LACTBL1: variants seen among roughly 807,000 people sequenced by gnomAD.
LACTBL1 encodes the protein beta-lactamase-like protein 1.
A neutral mutation model predicts 39.6 loss-of-function variants in LACTBL1; 29 were observed. That is an observed-to-expected ratio of 0.73 (90% CI 0.55 to 1.00). The LOEUF (loss-of-function observed/expected upper bound fraction) is 1.00. Among genes scored for constraint, LACTBL1 ranks in the 50% least tolerant of loss-of-function variants. LACTBL1 has a pLI of 0.00. For missense variants in LACTBL1, 711 were observed against 748.5 expected (o/e 0.95, Z 0.59); for synonymous variants, 361 against 360.7 (o/e 1.00, Z -0.01).
In LACTBL1 at chr1:22,955,005, G is replaced by A. The variant is rs76462258; in HGVS notation, c.659+316C>T. On this transcript the variant is annotated intron_variant, in intron 5 of 5. Coordinates refer to ENST00000426928, the Ensembl canonical transcript of LACTBL1. Reference sequence around the variant, plus strand: ...GTATTCACCTTGCTTATTTGCTCACGGTGTCTCCCTCACAAGAGTGCAAAC... The same window carrying A: ...GTATTCACCTTGCTTATTTGCTCACAGTGTCTCCCTCACAAGAGTGCAAAC... 1.6e-3 allele frequency among the ~76,000 whole-genome samples: 243 copies of A among 152,330 alleles called. 3 individuals are homozygous for A. The highest frequency in any genetic ancestry group is 5.3e-3 in the African/African-American group (219 of 41,574).
upstream of LACTBL1, among the ~76,000 whole-genome samples, chr1:22,967,252 C>A (rs142881113): frequency 2.2e-3 from 328 of 152,146 alleles, 1 homozygote; most frequent in Non-Finnish European, 3.6e-3. Flanking sequence ...GCCTGTAATC[C>A]CAGCTACTCA....
intron 5 of LACTBL1, among the ~76,000 whole-genome samples, chr1:22,954,584 T>C (rs1053183271): frequency 6.6e-6 from 1 of 152,182 alleles, no homozygotes; most frequent in African/African-American, 2.4e-5. Context: ...CCAACTTCCT[T>C]ATTTTTGCAG....
exon 6 of LACTBL1, chr1:22,953,060 C>G: frequency 8.1e-7 from 1 of 1,232,284 alleles, no homozygotes; most frequent in East Asian, 3.2e-5. Context: ...GTCTTGAACA[C>G]CGGCTTGCCC....
At position 22,965,319 on chromosome 1, in the gene LACTBL1, C is replaced by T. The variant is rs1640865854; in HGVS notation, c.20G>A (p.Trp7Ter). The change falls in exon 1 of 6, where the codon TGG becomes TAG. Residue 7 changes from tryptophan to a stop codon, truncating the protein, a stop_gained. Coordinates refer to ENST00000426928, the Ensembl canonical transcript of LACTBL1. LOFTEE classifies it high-confidence loss of function. The stretch of plus-strand genomic sequence containing the variant: ...CTTCAGCTTGGGGAGGTGATACTGC[C>T]ACAGGAAGCAGCCAGTCATGACCAC... 15 of 1,319,136 alleles carry T rather than the reference C, an allele frequency of 1.1e-5. No homozygotes were observed. Among genetic ancestry groups the T allele is most frequent in the Non-Finnish European group, 1.4e-5 (14 of 1,027,688 alleles). The allele number at this position is 1,319,136 out of a possible 1,614,324, so 81.7% of individuals were successfully genotyped here.
intron 4 of LACTBL1, among the ~76,000 whole-genome samples, chr1:22,958,318 C>T (rs1244675090): frequency 1.3e-5 from 2 of 152,106 alleles, no homozygotes; most frequent in East Asian, 1.9e-4. Context: ...TTACTGGGCT[C>T]GAGTGATCCT....
intron 1 of LACTBL1, 109 bp from the exon 4 acceptor site, chr1:22,963,325 C>T (rs185154188): frequency 9.0e-4 from 482 of 536,440 alleles, no homozygotes; most frequent in Middle Eastern, 5.3e-3. Flanking sequence ...CCTCCCCAGC[C>T]GAGCCGAGCC....
chr1:22,953,987 G>C, exon 6 of LACTBL1: 1 of 1,545,256 alleles, frequency 6.5e-7, no homozygotes, highest in Non-Finnish European at 8.7e-7. Context: ...GCCAGGACGT[G>C]GGCCAGGAGC....
intron 2 of LACTBL1, among the ~76,000 whole-genome samples, chr1:22,960,358 G>A (rs993241935): frequency 6.6e-6 from 1 of 152,204 alleles, no homozygotes; most frequent in Non-Finnish European, 1.5e-5. Context: ...GCTCATGCCT[G>A]TAATCTTAGC....
chr1:22,966,469 A>G (rs1432253754), upstream of LACTBL1, among the ~76,000 whole-genome samples: 1 of 152,202 alleles, frequency 6.6e-6, no homozygotes, highest in Non-Finnish European at 1.5e-5. Context: ...GCAATCCCTC[A>G]GTGGTGAGTT....
chr1:22,953,569 G>A (rs1305471047), exon 6 of LACTBL1: 6 of 1,251,020 alleles, frequency 4.8e-6, no homozygotes, highest in Non-Finnish European at 6.0e-6. Context: ...CAGCGAGAAG[G>A]TGGCGGCGTA....
Position 22,960,178 on chromosome 1 carries a change from C to G in LACTBL1, c.160-79G>C. ...AATCATCTGCAAAGCCACCCTCGTC[C>G]ATAGTCACACCCTGCATGCAGCACC... is the stretch of plus-strand genomic sequence containing the variant. On this transcript the variant is annotated intron_variant, in intron 2 of 5. Transcript: ENST00000426928. 3 of 1,497,812 alleles carry G rather than the reference C, an allele frequency of 2.0e-6. 1 individual carries two copies. In the South Asian group the frequency reaches 3.8e-5, roughly 19 times the overall value. The allele number at this position is 1,497,812 out of a possible 1,614,324, so 92.8% of individuals were successfully genotyped here. A position where few individuals can be genotyped will look rare whatever the true frequency, so the allele number is the denominator to read the frequency against.
chr1:22,957,655 T>C (rs2124227242), intron 4 of LACTBL1, among the ~76,000 whole-genome samples: 1 of 138,038 alleles, frequency 7.2e-6, no homozygotes, highest in South Asian at 2.5e-4. Context: ...TTTTTTTTTT[T>C]TTTTTTTTTT....
At chr1:22,972,461 G>T in the LACTBL1 span, 1 of 984,854 alleles carries the variant, frequency 1.0e-6, no homozygotes, top group East Asian at 1.1e-4. Context: ...ACAGAGAAAA[G>T]CTAGAAAACA....
the LACTBL1 span, chr1:22,972,494 G>A: frequency 6.0e-5 from 56 of 937,956 alleles, no homozygotes; most frequent in East Asian, 5.5e-3. Context: ...GAGGATGCGG[G>A]GGATCAAAGC....
upstream of LACTBL1, among the ~76,000 whole-genome samples, chr1:22,967,476 C>T (rs1297262699): frequency 2.0e-5 from 3 of 151,788 alleles, no homozygotes; most frequent in South Asian, 4.2e-4. Flanking sequence ...CCTGGGAGGT[C>T]GTCGAGGCTG....
intron 2 of LACTBL1, 120 bp from the exon 5 acceptor site, chr1:22,960,219 G>C (rs1442047263): frequency 2.4e-6 from 3 of 1,231,452 alleles, no homozygotes; most frequent in Non-Finnish European, 3.4e-6. Flanking sequence ...GAGCCTCCCA[G>C]CTATGCCCCA....
intron 1 of LACTBL1, among the ~76,000 whole-genome samples, chr1:22,964,601 T>C (rs1259171335): frequency 6.6e-6 from 1 of 152,196 alleles, no homozygotes; most frequent in African/African-American, 2.4e-5. Flanking sequence ...TACTTAACAA[T>C]AGATAACTGA....
At chr1:22,967,750 T>C (rs968391815), upstream of LACTBL1, among the ~76,000 whole-genome samples, 1 of 152,176 alleles carries the variant, frequency 6.6e-6, no homozygotes, top group Non-Finnish European at 1.5e-5. Context: ...TATTTTCTCA[T>C]ATATTTACAT....
chr1:22,961,978 C>A (rs1405769219), intron 2 of LACTBL1, among the ~76,000 whole-genome samples: 1 of 151,378 alleles, frequency 6.6e-6, no homozygotes, highest in Non-Finnish European at 1.5e-5. Context: ...GAACTCCTGA[C>A]CTCATGATCC....
Sources: gnomAD v4.1 joint callset for allele counts (sites outside exome capture counted in the v4.1 genomes callset) on GRCh38, gnomAD v4.1.1 for gene constraint, MANE v1.5 for transcripts, NCBI Gene and HGNC (gene_info 2026-07-23, HGNC 2026-07-21) for gene names.